GDAP1L1: variants seen among roughly 807,000 people sequenced by gnomAD.
GDAP1L1 encodes ganglioside-induced differentiation-associated protein 1-like 1.
Under a neutral mutation model 37.1 loss-of-function variants are expected in GDAP1L1, and 21 were observed. The ratio of observed to expected loss-of-function variants is 0.57; its 90% CI spans 0.40 to 0.81. The LOEUF (loss-of-function observed/expected upper bound fraction) is 0.81, where lower values mean the gene tolerates loss of function less well. GDAP1L1 is among the 40% of genes least tolerant of loss of function. The pLI, the probability that GDAP1L1 is intolerant of heterozygous loss-of-function variation, is 0.00. For synonymous variants in GDAP1L1, 193 were observed against 209.1 expected, an observed-to-expected ratio of 0.92 and a Z score of 0.67; for missense variants, 362 against 491.6, an observed-to-expected ratio of 0.74 and a Z score of 2.49.
chr20:44,269,669 C>T (rs1444219658), intron 5 of GDAP1L1, among the ~76,000 whole-genome samples: 7 of 152,152 alleles, frequency 4.6e-5, no homozygotes, highest in Non-Finnish European at 1.0e-4. Flanking sequence ...CAGTGGCTCA[C>T]ACCTGTAATC....
chr20:44,248,698 C>T (rs1216799278), intron 1 of GDAP1L1, among the ~76,000 whole-genome samples: 1 of 152,186 alleles, frequency 6.6e-6, no homozygotes, highest in African/African-American at 2.4e-5. Context: ...ATTAGAGTCC[C>T]TGGATGATCC....
intron 5 of GDAP1L1, 82 bp downstream of exon 5, chr20:44,264,641 C>G (rs754082849): frequency 1.3e-6 from 2 of 1,537,496 alleles, no homozygotes; most frequent in East Asian, 4.9e-5. Flanking sequence ...CTCTTTTTTC[C>G]GCAAAAGTCT....
chr20:44,252,827 A>C (rs1189759340), intron 1 of GDAP1L1, among the ~76,000 whole-genome samples: 1 of 151,720 alleles, frequency 6.6e-6, no homozygotes, highest in Non-Finnish European at 1.5e-5. Flanking sequence ...TGTCTCAAAA[A>C]AAAAAAAAAA....
chr20:44,279,899 AG>A lies in GDAP1L1; in HGVS notation c.*600del, dbSNP rs1313121797. ...CAGTGGCACCCAAAAACCAGGCTGC[AG>A]TGGGGACGGATACCATGAGCACACC... On this transcript the variant is annotated 3_prime_UTR_variant, in exon 6 of 6. Transcript: ENST00000342560. 4 of 416,170 alleles carry A rather than the reference AG, an allele frequency of 9.6e-6. No homozygotes were observed. Among genetic ancestry groups the A allele is most frequent in the African/African-American group, 2.1e-5 (1 of 48,496 alleles). 25.8% of individuals were successfully genotyped at this position (416,170 alleles called of 1,614,324 possible). A position where few individuals can be genotyped will look rare whatever the true frequency, so the allele number is the denominator to read the frequency against.
At position 44,257,294 on chromosome 20, in the gene GDAP1L1, A is replaced by G. The variant is rs200536903; in HGVS notation, c.322A>G (p.Ile108Val). ...CGTCATCATCCACCGCGACAACATC[A>G]TCAGTGACTATGACCAGATCATTGA... is the stretch of plus-strand genomic sequence containing the variant. ...VPVIIHRDNI[I>V]SDYDQIIDYV... The change falls in exon 2 of 6, where the codon ATC (isoleucine) becomes GTC (valine). Residue 108 changes from isoleucine (I) to valine (V), a missense_variant. Ile to Val is a conservative substitution (Grantham distance 29, BLOSUM62 3). This residue lies in a region of GDAP1L1 where 277 missense variants were observed against 337.1 expected (regional missense o/e 0.82). Transcript: ENST00000342560. The G allele has an allele frequency of 3.7e-5, 59 of 1,613,928 alleles. No individual in the cohort carries two copies. The Middle Eastern group carries it at 9.9e-4, about 27-fold the overall frequency.
intron 1 of GDAP1L1, among the ~76,000 whole-genome samples, chr20:44,250,929 G>A (rs1340320006): frequency 6.6e-6 from 1 of 152,004 alleles, no homozygotes; most frequent in East Asian, 1.9e-4. Context: ...TCTCAGCAGG[G>A]AAATGAACCA....
At chr20:44,276,159 T>C (rs2062570277) in intron 5 of GDAP1L1, among the ~76,000 whole-genome samples, 1 of 131,368 alleles carries the variant, frequency 7.6e-6, no homozygotes, top group African/African-American at 2.9e-5. Context: ...CCATCTCTAG[T>C]AAAAATACCA....
intron 5 of GDAP1L1, among the ~76,000 whole-genome samples, chr20:44,276,429 AAAGAAAGAAAGAAAG>A (rs1405353935): frequency 7.1e-6 from 1 of 141,240 alleles, no homozygotes; most frequent in South Asian, 2.5e-4. Flanking sequence ...AGAAAGAAAG[AAAGAAAGAAAGAAAG>A]AAAGAAAGAA....
In GDAP1L1 at chr20:44,255,121, A is replaced by G. The variant is rs2073514029; in HGVS notation, c.181-2032A>G. Among the ~76,000 whole-genome samples the G allele has an allele frequency of 2.0e-5, 3 of 152,182 alleles. No homozygotes were observed. In the South Asian group the frequency reaches 6.2e-4, roughly 32 times the overall value. ...AAACCTGCCCTCATACCAGCAGCTA[A>G]GACACATTACCCCTACTGTGTTCCA... On this transcript the variant is annotated intron_variant, in intron 1 of 5. Transcript: ENST00000342560.
At chr20:44,247,927 C>G (rs1012478815) in intron 1 of GDAP1L1, among the ~76,000 whole-genome samples, 1 of 151,978 alleles carries the variant, frequency 6.6e-6, no homozygotes, top group African/African-American at 2.4e-5. Flanking sequence ...GCCTCGGTAG[C>G]CCCCTCTCAG....
intron 1 of GDAP1L1, among the ~76,000 whole-genome samples, chr20:44,249,429 C>T (rs917388146): frequency 2.0e-5 from 3 of 152,190 alleles, no homozygotes. Flanking sequence ...CATGCTTGCA[C>T]GTGCCAGGCC....
intron 5 of GDAP1L1, among the ~76,000 whole-genome samples, chr20:44,268,395 A>C (rs778676599): frequency 6.6e-6 from 1 of 152,234 alleles, no homozygotes; most frequent in Non-Finnish European, 1.5e-5. Flanking sequence ...AATAATCATT[A>C]TTACCATTCT....
At chr20:44,254,606 C>T (rs1304596045) in intron 1 of GDAP1L1, among the ~76,000 whole-genome samples, 1 of 152,212 alleles carries the variant, frequency 6.6e-6, no homozygotes, top group African/African-American at 2.4e-5. Flanking sequence ...AAAGGAGGCT[C>T]AGAAAGGGGC....
chr20:44,269,533 T>C (rs974121670), intron 5 of GDAP1L1, among the ~76,000 whole-genome samples: 7 of 152,128 alleles, frequency 4.6e-5, no homozygotes, highest in Admixed American at 6.5e-5. Context: ...TGGACTGAGA[T>C]GGTTGCAGTG....
intron 2 of GDAP1L1, 63 bp from the exon 3 acceptor site, chr20:44,258,371 G>C: frequency 6.7e-7 from 1 of 1,490,370 alleles, no homozygotes; most frequent in Non-Finnish European, 9.1e-7. Context: ...GGGATGCCGG[G>C]GGCAGGTGGC....
At chr20:44,257,613 C>G (rs1270850194) in intron 2 of GDAP1L1, among the ~76,000 whole-genome samples, 1 of 152,076 alleles carries the variant, frequency 6.6e-6, no homozygotes, top group Non-Finnish European at 1.5e-5. Flanking sequence ...CACCCCCCCA[C>G]CAGGAGCAGT....
At chr20:44,274,941 G>A (rs2062557708) in intron 5 of GDAP1L1, among the ~76,000 whole-genome samples, 2 of 152,290 alleles carry the variant, frequency 1.3e-5, no homozygotes, top group South Asian at 4.1e-4. Flanking sequence ...CACCCAGGCT[G>A]GAGTGCGGTG....
chr20:44,254,662 A>G (rs1217147120), intron 1 of GDAP1L1, among the ~76,000 whole-genome samples: 1 of 152,154 alleles, frequency 6.6e-6, no homozygotes. Flanking sequence ...CAGATCCAAG[A>G]TGAGGACTTG....
intron 5 of GDAP1L1, among the ~76,000 whole-genome samples, chr20:44,277,061 G>C (rs932483297): frequency 5.9e-5 from 9 of 151,970 alleles, no homozygotes; most frequent in African/African-American, 2.2e-4. Flanking sequence ...TTTCGCTCTT[G>C]TTGCCCAGGG....
Sources: gnomAD v4.1 joint callset for allele counts (sites outside exome capture counted in the v4.1 genomes callset) on GRCh38, gnomAD v4.1.1 for gene constraint, gnomAD v4.1.1 regional missense constraint, MANE v1.5 for transcripts, NCBI Gene and HGNC (gene_info 2026-07-23, HGNC 2026-07-21) for gene names.